Variants in NAA11 observed in about 807,000 individuals in gnomAD.
NAA11 encodes N-alpha-acetyltransferase 11.
In NAA11, 15 loss-of-function variants were observed where a neutral mutation model predicts 16.1. The observed-to-expected ratio is 0.93, with a 90% CI of 0.62 to 1.44. The LOEUF is 1.44. Among genes scored for constraint, NAA11 ranks in the 40% most tolerant of loss-of-function variants. NAA11 has a pLI of 0.00. For missense variants in NAA11, 298 were observed against 291.3 expected (o/e 1.02, Z -0.17); for synonymous variants, 122 against 112.4 (o/e 1.09, Z -0.54).
chr4:79,258,218 C>T (rs11098609), intron 2 of NAA11, among the ~76,000 whole-genome samples: 103,380 of 152,242 alleles, frequency 0.68, 37,562 homozygotes, highest in East Asian at 0.89. Flanking sequence ...GACATAGCTG[C>T]AGCCTTCCAA....
the NAA11 span, among the ~76,000 whole-genome samples, chr4:79,156,103 A>G: frequency 6.6e-6 from 1 of 152,186 alleles, no homozygotes; most frequent in African/African-American, 2.4e-5. Flanking sequence ...ATAGTTTAAA[A>G]ACTACAGTAA....
At chr4:79,314,661 A>AAAAAAAAAAAAAAAC (rs1723876570), downstream of NAA11, among the ~76,000 whole-genome samples, 1 of 148,264 alleles carries the variant, frequency 6.7e-6, no homozygotes, top group African/African-American at 2.6e-5. Context: ...AAAAAAAAAA[A>AAAAAAAAAAAAAAAC]AAAGACTCAG....
At chr4:79,256,083 G>A (rs1326587816) in intron 2 of NAA11, among the ~76,000 whole-genome samples, 1 of 152,140 alleles carries the variant, frequency 6.6e-6, no homozygotes, top group East Asian at 1.9e-4. Context: ...CACCTCCGGA[G>A]TTGAGTCCTG....
chr4:79,210,649 C>T, the NAA11 span, among the ~76,000 whole-genome samples: 1 of 152,058 alleles, frequency 6.6e-6, no homozygotes, highest in Non-Finnish European at 1.5e-5. Flanking sequence ...TTTTATATTC[C>T]TATATGCACA....
the NAA11 span, among the ~76,000 whole-genome samples, chr4:79,200,163 C>T: frequency 6.6e-6 from 1 of 151,808 alleles, no homozygotes; most frequent in Non-Finnish European, 1.5e-5. Context: ...AGTTGTGTGA[C>T]CTGGGACCTC....
At chr4:79,314,421 A>G (rs915607631), downstream of NAA11, among the ~76,000 whole-genome samples, 4 of 152,116 alleles carry the variant, frequency 2.6e-5, no homozygotes, top group Non-Finnish European at 4.4e-5. Flanking sequence ...ACAGTGTGCA[A>G]AACAATCACC....
At chr4:79,280,546 C>G (rs905288630) in intron 2 of NAA11, among the ~76,000 whole-genome samples, 1 of 151,778 alleles carries the variant, frequency 6.6e-6, no homozygotes, top group Non-Finnish European at 1.5e-5. Context: ...TTTGTTTTGT[C>G]GTTTCTTCTT....
At chr4:79,277,734 T>C (rs1022853780) in intron 2 of NAA11, among the ~76,000 whole-genome samples, 10 of 151,966 alleles carry the variant, frequency 6.6e-5, no homozygotes, top group Non-Finnish European at 1.5e-4. Flanking sequence ...GTCATTCTCT[T>C]TAAATTAGCC....
At chr4:79,223,323 T>G (rs1217983780), downstream of NAA11, among the ~76,000 whole-genome samples, 13 of 148,478 alleles carry the variant, frequency 8.8e-5, no homozygotes, top group South Asian at 8.7e-4. Flanking sequence ...CCATAAAAAA[T>G]GATGAGTTCA....
chr4:79,228,464 A>G (rs1721376168), intron 2 of NAA11, among the ~76,000 whole-genome samples: 1 of 151,992 alleles, frequency 6.6e-6, no homozygotes, highest in Non-Finnish European at 1.5e-5. Flanking sequence ...CAGTTTTAAT[A>G]ACAATTTCTT....
At chr4:79,289,645 G>A (rs1478251766) in intron 2 of NAA11, among the ~76,000 whole-genome samples, 2 of 152,134 alleles carry the variant, frequency 1.3e-5, no homozygotes, top group Non-Finnish European at 2.9e-5. Flanking sequence ...GGGAAGCTGG[G>A]ATTTGAATTC....
intron 2 of NAA11, among the ~76,000 whole-genome samples, chr4:79,242,219 C>T (rs1721712985): frequency 6.6e-6 from 1 of 152,102 alleles, no homozygotes; most frequent in African/African-American, 2.4e-5. Flanking sequence ...CAGTCAGCTC[C>T]ATAGCTGTGG....
chr4:79,221,320 A>G (rs2109948612), downstream of NAA11, among the ~76,000 whole-genome samples: 1 of 150,950 alleles, frequency 6.6e-6, no homozygotes, highest in East Asian at 2.0e-4. Flanking sequence ...TCATCTGCAA[A>G]CAGGGACAAT....
the NAA11 span, among the ~76,000 whole-genome samples, chr4:79,202,252 A>G: frequency 0.013 from 1,944 of 151,638 alleles, 45 homozygotes; most frequent in African/African-American, 0.044. Flanking sequence ...TATACAATGT[A>G]ATACTATCCA....
the NAA11 span, among the ~76,000 whole-genome samples, chr4:79,184,783 G>A: frequency 9.9e-5 from 15 of 151,992 alleles, no homozygotes; most frequent in Admixed American, 9.2e-4. Context: ...GTGTATTTCC[G>A]GAAGATAAAT....
At chr4:79,233,544 T>C (rs1721510067) in intron 2 of NAA11, among the ~76,000 whole-genome samples, 1 of 152,004 alleles carries the variant, frequency 6.6e-6, no homozygotes, top group South Asian at 2.1e-4. Flanking sequence ...TTTCAGGCCA[T>C]GGTTTTGGTT....
At chr4:79,188,005 A>T in the NAA11 span, among the ~76,000 whole-genome samples, 2 of 150,526 alleles carry the variant, frequency 1.3e-5, no homozygotes, top group Admixed American at 1.3e-4. Context: ...TCTCAAAAAA[A>T]AAAAAAAAAA....
At chr4:79,278,667 A>G (rs771781003) in intron 2 of NAA11, among the ~76,000 whole-genome samples, 52 of 152,096 alleles carry the variant, frequency 3.4e-4, no homozygotes, top group Admixed American at 6.6e-4. Context: ...CATATCAAAC[A>G]TATCATATTA....
At chr4:79,322,495 G>A (rs1724125529) in intron 1 of NAA11, among the ~76,000 whole-genome samples, 2 of 128,750 alleles carry the variant, frequency 1.6e-5, no homozygotes, top group East Asian at 3.2e-4. Context: ...AGGTGTGTGT[G>A]TGTGTGTGTG....
Sources: allele counts gnomAD v4.1 joint callset (sites outside exome capture counted in the v4.1 genomes callset), GRCh38; gene constraint gnomAD v4.1.1; transcripts MANE v1.5; gene names NCBI Gene and HGNC (gene_info 2026-07-23, HGNC 2026-07-21).